The following SLC2A12 variants were observed in gnomAD, a reference collection of about 807,000 sequenced individuals.
SLC2A12 encodes solute carrier family 2, facilitated glucose transporter member 12.
A neutral mutation model predicts 41.8 loss-of-function variants in SLC2A12; 23 were observed. That is an observed-to-expected ratio of 0.55 (90% CI 0.40 to 0.78). SLC2A12 has a LOEUF of 0.78. Among genes scored for constraint, SLC2A12 ranks in the 30% least tolerant of loss-of-function variants. The pLI, the probability that SLC2A12 is intolerant of heterozygous loss-of-function variation, is 0.00. For synonymous variants in SLC2A12, 295 were observed against 285.9 expected (o/e 1.03, Z -0.32); for missense variants, 654 against 745.6 (o/e 0.88, Z 1.43).
chr6:134,022,859 T>C (rs960299709), intron 2 of SLC2A12, among the ~76,000 whole-genome samples: 1 of 152,212 alleles, frequency 6.6e-6, no homozygotes, highest in African/African-American at 2.4e-5. Context: ...ATGATTTTCC[T>C]GTAACAGGAC....
chr6:134,016,009 T>C (rs1776956290), intron 2 of SLC2A12, among the ~76,000 whole-genome samples: 1 of 152,204 alleles, frequency 6.6e-6, no homozygotes, highest in Non-Finnish European at 1.5e-5. Context: ...TTCTAGTTTG[T>C]TGTTTCGAAT....
chr6:134,042,427 G>A (rs997647755), intron 1 of SLC2A12, among the ~76,000 whole-genome samples: 6 of 151,992 alleles, frequency 3.9e-5, no homozygotes, highest in Admixed American at 1.3e-4. Flanking sequence ...GGGAGAGAGC[G>A]AGAGGGAGAG....
chr6:134,050,313 T>C (rs1338472386), intron 1 of SLC2A12, among the ~76,000 whole-genome samples: 1 of 152,210 alleles, frequency 6.6e-6, no homozygotes, highest in Non-Finnish European at 1.5e-5. Flanking sequence ...AGATTATGTA[T>C]AGCACAAATC....
intron 1 of SLC2A12, among the ~76,000 whole-genome samples, chr6:134,037,346 A>G (rs536054754): frequency 7.2e-6 from 1 of 137,950 alleles, no homozygotes; most frequent in East Asian, 2.2e-4. Flanking sequence ...TTGGGTTAGC[A>G]TTTTTTTTGG....
At chr6:134,026,613 A>G (rs1777115423) in intron 2 of SLC2A12, among the ~76,000 whole-genome samples, 1 of 152,250 alleles carries the variant, frequency 6.6e-6, no homozygotes, top group African/African-American at 2.4e-5. Flanking sequence ...GAAACTGTTC[A>G]TTAATGGTAA....
chr6:134,043,171 G>T (rs1238320562), intron 1 of SLC2A12, among the ~76,000 whole-genome samples: 1 of 152,014 alleles, frequency 6.6e-6, no homozygotes. Flanking sequence ...GAAGGAAAGG[G>T]GGCTGCTGTC....
chr6:133,993,294 T>C (rs994946629), intron 4 of SLC2A12, among the ~76,000 whole-genome samples: 1 of 152,212 alleles, frequency 6.6e-6, no homozygotes, highest in African/African-American at 2.4e-5. Flanking sequence ...CGTATCCAAC[T>C]GCCTACTACT....
chr6:134,038,450 C>T (rs1777335516), intron 1 of SLC2A12, among the ~76,000 whole-genome samples: 1 of 147,642 alleles, frequency 6.8e-6, no homozygotes, highest in Non-Finnish European at 1.5e-5. Context: ...CAACCTCTGC[C>T]TCCCAGGTTC....
At chr6:134,030,639 A>G (rs1302664456) in intron 1 of SLC2A12, among the ~76,000 whole-genome samples, 1 of 152,240 alleles carries the variant, frequency 6.6e-6, no homozygotes, top group East Asian at 1.9e-4. Flanking sequence ...TTTCAGGCCC[A>G]GGAGAAAGTA....
At chr6:134,014,826 G>T (rs1373234622) in intron 2 of SLC2A12, among the ~76,000 whole-genome samples, 1 of 152,210 alleles carries the variant, frequency 6.6e-6, no homozygotes, top group Non-Finnish European at 1.5e-5. Context: ...ATGGTGACAG[G>T]ACTGATGGTG....
intron 1 of SLC2A12, among the ~76,000 whole-genome samples, chr6:134,048,253 G>A (rs1394091474): frequency 6.6e-6 from 1 of 152,118 alleles, no homozygotes; most frequent in Non-Finnish European, 1.5e-5. Flanking sequence ...CTGGTCTCAT[G>A]ACCACACAGA....
chr6:133,991,817 A>G (rs181311617), intron 4 of SLC2A12, among the ~76,000 whole-genome samples: 135 of 152,324 alleles, frequency 8.9e-4, no homozygotes, highest in African/African-American at 3.0e-3. Flanking sequence ...TAATTTAACC[A>G]ATGATTTGAG....
intron 2 of SLC2A12, among the ~76,000 whole-genome samples, chr6:134,020,953 A>G (rs1406640458): frequency 6.6e-6 from 1 of 152,220 alleles, no homozygotes; most frequent in Non-Finnish European, 1.5e-5. Flanking sequence ...AGCATCCAGA[A>G]CAACTTTTAG....
In SLC2A12 at chr6:134,028,902, A is replaced by G. The variant is rs1777154637; in HGVS notation, c.923T>C (p.Val308Ala). 1 of 1,614,212 alleles carries G rather than the reference A, an allele frequency of 6.2e-7. No individual in the cohort carries two copies. Among genetic ancestry groups the G allele is most frequent in the Non-Finnish European group, 8.5e-7 (1 of 1,180,040 alleles). The change falls in exon 2 of 5, where the codon GTT becomes GCT. Residue 308 changes from valine (V) to alanine (A), a missense_variant. This residue lies in a region of SLC2A12 where 411 missense variants were observed against 412.1 expected (regional missense o/e 1.00). Coordinates refer to ENST00000275230, the MANE Select transcript of SLC2A12 (RefSeq NM_145176.3). ...LFYASTVLKS[V>A]GFQSNEAASL... ...AGCTGCCTCATTGCTTTGAAATCCA[A>G]CTGACTTCAAAACAGTTGATGCATA...
intron 2 of SLC2A12, among the ~76,000 whole-genome samples, chr6:134,026,537 G>A (rs1777114153): frequency 6.6e-6 from 1 of 152,352 alleles, no homozygotes; most frequent in East Asian, 1.9e-4. Context: ...GTAGCCATAT[G>A]AGTATCTCAT....
At chr6:134,019,010 G>C (rs550111365) in intron 2 of SLC2A12, among the ~76,000 whole-genome samples, 1 of 152,222 alleles carries the variant, frequency 6.6e-6, no homozygotes, top group African/African-American at 2.4e-5. Context: ...GGTGTCATCT[G>C]TCACTTGAAT....
intron 2 of SLC2A12, among the ~76,000 whole-genome samples, chr6:134,016,816 T>C (rs1776968847): frequency 6.6e-6 from 1 of 152,240 alleles, no homozygotes; most frequent in African/African-American, 2.4e-5. Context: ...AGATTGCCCA[T>C]TCACATCTGA....
Position 133,989,472 on chromosome 6 carries a change from A to G in SLC2A12, c.*1683T>C, listed in dbSNP as rs1420521635. ...GGGCTAAACAAAAAATACCTGAAGTATATATAGAGTTTGAACTATAAACAC... is the reference window on the plus strand; with the variant it reads ...GGGCTAAACAAAAAATACCTGAAGTGTATATAGAGTTTGAACTATAAACAC... On this transcript the variant is annotated 3_prime_UTR_variant, in exon 5 of 5. Coordinates refer to ENST00000275230, the MANE Select transcript of SLC2A12 (RefSeq NM_145176.3). The G allele has an allele frequency of 1.3e-5, 2 of 152,340 alleles. No individual in the cohort carries two copies. The highest frequency in any genetic ancestry group is 2.1e-4 in the South Asian group (1 of 4,832). 9.4% of individuals were successfully genotyped at this position (152,340 alleles called of 1,614,324 possible). A position where few individuals can be genotyped will look rare whatever the true frequency, so the allele number is the denominator to read the frequency against.
intron 4 of SLC2A12, among the ~76,000 whole-genome samples, chr6:133,993,143 G>C (rs1451063338): frequency 6.6e-6 from 1 of 152,042 alleles, no homozygotes; most frequent in Non-Finnish European, 1.5e-5. Context: ...TCTAAGTTTG[G>C]CACAAAACTG....
Sources: allele counts gnomAD v4.1 joint callset (sites outside exome capture counted in the v4.1 genomes callset), GRCh38; gene constraint gnomAD v4.1.1; regional missense constraint gnomAD v4.1.1; transcripts MANE v1.5; gene names NCBI Gene and HGNC (gene_info 2026-07-23, HGNC 2026-07-21).